ABCA3: variants seen among roughly 807,000 people sequenced by gnomAD.
ABCA3 encodes the protein phospholipid-transporting ATPase ABCA3.
Under a neutral mutation model 172.8 loss-of-function variants are expected in ABCA3, and 88 were observed. The ratio of observed to expected loss-of-function variants is 0.51; its 90% confidence interval spans 0.43 to 0.61. The LOEUF (loss-of-function observed/expected upper bound fraction) is 0.61, where lower values mean the gene tolerates loss of function less well. Among genes scored for constraint, ABCA3 ranks in the 20% least tolerant of loss-of-function variants. ABCA3 has a pLI of 0.00. For synonymous variants in ABCA3, 1,066 were observed against 983.8 expected, an observed-to-expected ratio of 1.08 and a Z score of -1.56; for missense variants, 2,164 against 2,301.0, an observed-to-expected ratio of 0.94 and a Z score of 1.22.
chr16:2,277,516 A>T lies in ABCA3; in HGVS notation c.4983+81T>A, dbSNP rs1794357376. On this transcript the variant is annotated intron_variant, in intron 32 of 32. Transcript: ENST00000301732. The surrounding 1 kb of genome is among the most constrained non-coding windows in gnomAD (Gnocchi z 5.3). The stretch of plus-strand genomic sequence containing the variant: ...TGACTCCTCTGTGGAAAGAGCCTGC[A>T]GTCACCACAGAGGGAGAGACCCCTG... 7.1e-7 allele frequency: 1 copy of T among 1,408,716 alleles called. No individual in the cohort carries two copies. The highest frequency in any genetic ancestry group is 1.0e-6 in the Non-Finnish European group (1 of 1,004,824). The allele number at this position is 1,408,716 out of a possible 1,614,324, so 87.3% of individuals were successfully genotyped here.
chr16:2,278,142 T>G lies in ABCA3; in HGVS notation c.4719-73A>C. The G allele has an allele frequency of 6.2e-7, 1 of 1,604,270 alleles. No homozygotes were observed. The highest frequency in any genetic ancestry group is 8.5e-7 in the Non-Finnish European group (1 of 1,176,252). On this transcript the variant is annotated intron_variant, in intron 30 of 32. Coordinates refer to ENST00000301732, the MANE Select transcript of ABCA3 (RefSeq NM_001089.3). This position sits in a 1 kb window ranked among gnomAD's most constrained non-coding sequence, Gnocchi z 4.4. ...TGTGCAGACAGGAAGGCATTGGCTC[T>G]CCGATCAGGCTGTTCCTGATACCCA...
At chr16:2,300,700 C>T (rs1477818002) in intron 12 of ABCA3, among the ~76,000 whole-genome samples, 2 of 152,244 alleles carry the variant, frequency 1.3e-5, no homozygotes, top group Non-Finnish European at 2.9e-5. Context: ...ACAGTGCCCT[C>T]GAGGACAGCC....
At position 2,307,461 on chromosome 16, in the gene ABCA3, G is replaced by A. The variant is rs1596851807; in HGVS notation, c.1285+989C>T. On this transcript the variant is annotated intron_variant, in intron 11 of 32. Coordinates refer to ENST00000301732, the MANE Select transcript of ABCA3 (RefSeq NM_001089.3). Reference sequence around the variant, plus strand: ...TCCCAGGTACTCGGGAGGCTGAGGTGGGAGGATCACTTGAACCCAGAGGCA... The same window carrying A: ...TCCCAGGTACTCGGGAGGCTGAGGTAGGAGGATCACTTGAACCCAGAGGCA... 6.6e-5 allele frequency among the ~76,000 whole-genome samples: 10 copies of A among 152,130 alleles called. No homozygotes were observed. The South Asian group carries it at 2.1e-3, about 32-fold the overall frequency.
At chr16:2,308,719 C>T (rs2093701904) in intron 10 of ABCA3, 96 bp from the exon 11 acceptor site, 12 of 1,429,444 alleles carry the variant, frequency 8.4e-6, no homozygotes, top group South Asian at 5.9e-5. Flanking sequence ...CTCCTGGGGC[C>T]GAGCCACCCA....
At chr16:2,298,681 C>G (rs1296243085) in intron 14 of ABCA3, 141 bp from the exon 15 acceptor site, 2 of 1,016,778 alleles carry the variant, frequency 2.0e-6, no homozygotes, top group Non-Finnish European at 2.9e-6. Flanking sequence ...ACCCCACTCC[C>G]ACTGGGGTGG....
At chr16:2,290,721 T>C (rs2093670766) in intron 19 of ABCA3, among the ~76,000 whole-genome samples, 1 of 152,214 alleles carries the variant, frequency 6.6e-6, no homozygotes, top group Non-Finnish European at 1.5e-5. Flanking sequence ...CCGCCTTGCC[T>C]GGCCTTTTTC....
chr16:2,291,554 G>C (rs2093672006), intron 19 of ABCA3, among the ~76,000 whole-genome samples: 1 of 152,244 alleles, frequency 6.6e-6, no homozygotes, highest in Admixed American at 6.5e-5. Flanking sequence ...GCACGCCTCT[G>C]ACGCCGTGTG....
intron 6 of ABCA3, 77 bp downstream of exon 6, chr16:2,324,327 G>A: frequency 6.5e-7 from 1 of 1,527,894 alleles, no homozygotes; most frequent in South Asian, 1.2e-5. Flanking sequence ...GCCTTTTACA[G>A]GTTGAACTAG....
At position 2,287,966 on chromosome 16, in the gene ABCA3, G is replaced by A. The variant is rs1003860641; in HGVS notation, c.3004+60C>T. ...TCGACCCTGCTGCAGTCAGGAAGGC[G>A]AACTCTGGCTGCAGGACTGGCCCCC... On this transcript the variant is annotated intron_variant, in intron 21 of 32. Transcript: ENST00000301732. The surrounding 1 kb of genome is among the most constrained non-coding windows in gnomAD (Gnocchi z 4.1). 8.8e-6 allele frequency: 14 copies of A among 1,584,694 alleles called. No individual in the cohort carries two copies. The highest frequency in any genetic ancestry group is 5.0e-5 in the Admixed American group (3 of 59,806).
rs1261161147 is a variant in ABCA3, at chr16:2,340,678, G to A, written c.-644C>T. On this transcript the variant is annotated 5_prime_UTR_variant, in exon 1 of 33. Coordinates refer to ENST00000301732, the MANE Select transcript of ABCA3 (RefSeq NM_001089.3). ...CCAGCCTCGCAGTGGCGGCGGCACT[G>A]ACAGCTGCGTGGCCGCCCTGGAGGG... 2 of 150,248 alleles carry A rather than the reference G, an allele frequency of 1.3e-5. No individual in the cohort carries two copies. The highest frequency in any genetic ancestry group is 3.0e-5 in the Non-Finnish European group (2 of 67,232). 9.3% of individuals were successfully genotyped at this position (150,248 alleles called of 1,614,324 possible). A position where few individuals can be genotyped will look rare whatever the true frequency, so the allele number is the denominator to read the frequency against.
chr16:2,308,751 T>C (rs1404317152), intron 10 of ABCA3, 128 bp from the exon 11 acceptor site: 1 of 1,064,678 alleles, frequency 9.4e-7, no homozygotes, highest in East Asian at 2.6e-5. Flanking sequence ...GCACTTGCCA[T>C]CTACACGGGA....
chr16:2,303,929 C>T, intron 12 of ABCA3, 40 bp downstream of exon 12: 1 of 1,612,920 alleles, frequency 6.2e-7, no homozygotes, highest in Non-Finnish European at 8.5e-7. Flanking sequence ...CCTCTGCACT[C>T]AGAGAGGCGG....
intron 12 of ABCA3, among the ~76,000 whole-genome samples, chr16:2,302,197 G>C (rs191021564): frequency 6.6e-6 from 1 of 152,304 alleles, no homozygotes; most frequent in Non-Finnish European, 1.5e-5. Context: ...TGAAGGCTGT[G>C]AGACCCCTGA....
intron 14 of ABCA3, among the ~76,000 whole-genome samples, chr16:2,298,781 C>G (rs1204651280): frequency 1.3e-5 from 2 of 151,976 alleles, no homozygotes; most frequent in African/African-American, 2.4e-5. Flanking sequence ...AAACCCACGA[C>G]ACACACACAC....
In ABCA3 at chr16:2,323,741, AAAC is replaced by A. The variant is rs1406967902; in HGVS notation, c.448-56_448-54del. 2.5e-6 allele frequency: 4 copies of A among 1,609,350 alleles called. No individual in the cohort carries two copies. The African/African-American group carries it at 5.3e-5, about 22-fold the overall frequency. On this transcript the variant is annotated intron_variant, in intron 6 of 32. Coordinates refer to ENST00000301732, the MANE Select transcript of ABCA3 (RefSeq NM_001089.3). The stretch of plus-strand genomic sequence containing the variant: ...TTCCGAGAGATCCAGACAGAGGGGC[AAAC>A]AACAGGGTGGAGTGGGAGAGCGCTT...
Position 2,299,413 on chromosome 16 carries a change from GGA to G in ABCA3, c.1729_1730del (p.Ser577HisfsTer19), listed in dbSNP as rs1052598974. 7 of 1,613,648 alleles carry G rather than the reference GGA, an allele frequency of 4.3e-6. No homozygotes were observed. The highest frequency in any genetic ancestry group is 5.1e-6 in the Non-Finnish European group (6 of 1,179,990). On this transcript the variant is annotated frameshift_variant, in exon 14 of 33. Transcript: ENST00000301732. LOFTEE classifies it high-confidence loss of function. ...GCGCCTGGCCCTCACCTGTGAGCAT[GGA>G]GAGGGTGGTGGTCTTCCCGGCACCG... ...HNGAGKTTTL[S>X]MLTGLFPPTS... is the part of the protein sequence containing the mutation.
At chr16:2,301,920 GC>G (rs1393883969) in intron 12 of ABCA3, among the ~76,000 whole-genome samples, 1 of 152,206 alleles carries the variant, frequency 6.6e-6, no homozygotes, top group Non-Finnish European at 1.5e-5. Context: ...GTCCATAATG[GC>G]CATAACACCC....
chr16:2,285,626 A>G lies in ABCA3; in HGVS notation c.3299T>C (p.Ile1100Thr). ...QFNEGRKGFD[I>T]ALNLLFAMAF... ...CATGGCGAAGAGCAGGTTGAGGGCAATGTCGAATCCCTTCCGGCCCCTGCG... is the reference window on the plus strand; with the variant it reads ...CATGGCGAAGAGCAGGTTGAGGGCAGTGTCGAATCCCTTCCGGCCCCTGCG... The change falls in exon 23 of 33, where the codon ATT (isoleucine) becomes ACT (threonine). Residue 1100 changes from isoleucine (I) to threonine (T), a missense_variant. Physicochemically the swap from Ile to Thr is moderately conservative, Grantham distance 89. Transcript: ENST00000301732. The surrounding 1 kb of genome is among the most constrained non-coding windows in gnomAD (Gnocchi z 4.7). The G allele has an allele frequency of 1.9e-6, 3 of 1,553,788 alleles. No homozygotes were observed. The highest frequency in any genetic ancestry group is 2.6e-6 in the Non-Finnish European group (3 of 1,148,146).
intron 1 of ABCA3, among the ~76,000 whole-genome samples, chr16:2,337,490 C>T (rs2093753687): frequency 6.6e-6 from 1 of 151,026 alleles, no homozygotes; most frequent in Admixed American, 6.6e-5. Flanking sequence ...CCTCCCACCT[C>T]AGTCTCCCAA....
Sources: gnomAD v4.1 joint callset for allele counts (sites outside exome capture counted in the v4.1 genomes callset) on GRCh38, gnomAD v4.1.1 for gene constraint, Gnocchi (gnomAD v3.1) non-coding constraint, MANE v1.5 for transcripts, NCBI Gene and HGNC (gene_info 2026-07-23, HGNC 2026-07-21) for gene names.